Variants in PDE1A observed in about 807,000 individuals in gnomAD.
PDE1A encodes the protein dual specificity calcium/calmodulin-dependent 3',5'-cyclic nucleotide phosphodiesterase 1A.
A neutral mutation model predicts 61.7 loss-of-function variants in PDE1A; 35 were observed. That is an observed-to-expected ratio of 0.57 (90% CI 0.43 to 0.75). The LOEUF is 0.75. Ranked by LOEUF, PDE1A falls within the 30% of genes least tolerant of loss-of-function variation. PDE1A has a pLI of 0.00. For missense variants in PDE1A, 597 were observed against 630.6 expected (o/e 0.95, Z 0.57); for synonymous variants, 232 against 213.2 (o/e 1.09, Z -0.77).
chr2:182,146,339 T>C (rs1452480280), downstream of PDE1A, among the ~76,000 whole-genome samples: 2 of 152,240 alleles, frequency 1.3e-5, no homozygotes, highest in Admixed American at 6.5e-5. Context: ...TGCTTTATAA[T>C]ATGTACTTGC....
At chr2:182,393,618 GT>G (rs779923722) in intron 1 of PDE1A, among the ~76,000 whole-genome samples, 4 of 152,136 alleles carry the variant, frequency 2.6e-5, no homozygotes, top group Non-Finnish European at 5.9e-5. Context: ...TTGTAAACAT[GT>G]TATGATTCCA....
chr2:182,345,085 T>C (rs898824555), intron 1 of PDE1A, among the ~76,000 whole-genome samples: 21 of 152,234 alleles, frequency 1.4e-4, no homozygotes, highest in Non-Finnish European at 1.8e-4. Context: ...AGTCTTTATT[T>C]AGGCTTTATT....
chr2:182,373,912 T>C (rs1700254540), intron 1 of PDE1A, among the ~76,000 whole-genome samples: 1 of 152,092 alleles, frequency 6.6e-6, no homozygotes, highest in Non-Finnish European at 1.5e-5. Flanking sequence ...AGTTGCCAAA[T>C]CATGTGCAAA....
At chr2:182,256,562 C>A (rs13388823) in intron 2 of PDE1A, among the ~76,000 whole-genome samples, 8,508 of 151,840 alleles carry the variant, frequency 0.056, 729 homozygotes, top group African/African-American at 0.19. Context: ...CACATGCACA[C>A]GTATGTTTAT....
intron 1 of PDE1A, among the ~76,000 whole-genome samples, chr2:182,332,347 T>G (rs938768806): frequency 1.3e-5 from 2 of 152,220 alleles, no homozygotes; most frequent in African/African-American, 4.8e-5. Context: ...TGAAGCCTAC[T>G]TCTGTCAATT....
chr2:182,459,049 T>G (rs75566371), intron 2 of PDE1A, among the ~76,000 whole-genome samples: 27,671 of 151,996 alleles, frequency 0.18, 3,018 homozygotes, highest in Middle Eastern at 0.35. Flanking sequence ...TCTGTTGCCA[T>G]AACTCATGAA....
At chr2:182,549,811 G>T in the PDE1A span, among the ~76,000 whole-genome samples, 2 of 152,014 alleles carry the variant, frequency 1.3e-5, no homozygotes, top group African/African-American at 4.8e-5. Flanking sequence ...TATAGACAGG[G>T]TTATTAAATA....
chr2:182,284,718 A>G (rs1166426094), intron 1 of PDE1A, among the ~76,000 whole-genome samples: 1 of 152,068 alleles, frequency 6.6e-6, no homozygotes, highest in Non-Finnish European at 1.5e-5. Context: ...ATCCCCCTAA[A>G]TTTTTAATCT....
At chr2:182,156,734 G>C (rs1691102510) in intron 13 of PDE1A, among the ~76,000 whole-genome samples, 1 of 152,108 alleles carries the variant, frequency 6.6e-6, no homozygotes. Flanking sequence ...AGCAGTAGAA[G>C]ATAATCTAAA....
the PDE1A span, among the ~76,000 whole-genome samples, chr2:182,588,818 C>A: frequency 6.6e-6 from 1 of 151,846 alleles, no homozygotes; most frequent in Admixed American, 6.6e-5. Context: ...CCGAGGCAGG[C>A]GGATCACCCA....
chr2:182,285,386 C>A (rs1215545923), intron 1 of PDE1A, among the ~76,000 whole-genome samples: 2 of 151,976 alleles, frequency 1.3e-5, no homozygotes, highest in Admixed American at 6.6e-5. Flanking sequence ...ATGAACCGAC[C>A]CTTATTTGTA....
At chr2:182,614,232 G>C in the PDE1A span, among the ~76,000 whole-genome samples, 1 of 152,160 alleles carries the variant, frequency 6.6e-6, no homozygotes, top group African/African-American at 2.4e-5. Context: ...AGGCAGAGTG[G>C]TGTGAAAAAT....
the PDE1A span, among the ~76,000 whole-genome samples, chr2:182,648,008 T>A: frequency 6.6e-6 from 1 of 152,130 alleles, no homozygotes; most frequent in African/African-American, 2.4e-5. Context: ...GAAAGCTGAT[T>A]TTCAAATTTG....
the PDE1A span, among the ~76,000 whole-genome samples, chr2:182,698,463 A>C: frequency 5.9e-5 from 9 of 152,336 alleles, no homozygotes; most frequent in African/African-American, 2.2e-4. Context: ...AAATAACTAA[A>C]GAGTGGTTAA....
the PDE1A span, among the ~76,000 whole-genome samples, chr2:182,632,498 G>GTCT: frequency 6.6e-6 from 1 of 151,556 alleles, no homozygotes; most frequent in Non-Finnish European, 1.5e-5. Flanking sequence ...TACTCCTCCA[G>GTCT]TTGCCTTCTC....
At chr2:182,475,725 A>C (rs1156982323) in intron 2 of PDE1A, among the ~76,000 whole-genome samples, 1 of 151,942 alleles carries the variant, frequency 6.6e-6, no homozygotes, top group East Asian at 1.9e-4. Flanking sequence ...AAGTTAATAT[A>C]CAACTTCATT....
chr2:182,181,178 T>C (rs1684728579), intron 13 of PDE1A, among the ~76,000 whole-genome samples: 1 of 152,204 alleles, frequency 6.6e-6, no homozygotes, highest in South Asian at 2.1e-4. Flanking sequence ...TTCTGGCTTT[T>C]GGAATTTTCA....
chr2:182,449,375 G>C (rs1420597233), intron 2 of PDE1A, among the ~76,000 whole-genome samples: 1 of 151,756 alleles, frequency 6.6e-6, no homozygotes, highest in African/African-American at 2.4e-5. Context: ...GGGAGGACGA[G>C]CGGGCAAAAT....
At chr2:182,454,107 A>G (rs1353615926) in intron 2 of PDE1A, among the ~76,000 whole-genome samples, 1 of 152,176 alleles carries the variant, frequency 6.6e-6, no homozygotes, top group Non-Finnish European at 1.5e-5. Flanking sequence ...AATCACAAGC[A>G]TTCTTATACA....
Sources: allele counts gnomAD v4.1 joint callset (sites outside exome capture counted in the v4.1 genomes callset), GRCh38; gene constraint gnomAD v4.1.1; transcripts MANE v1.5; gene names NCBI Gene and HGNC (gene_info 2026-07-23, HGNC 2026-07-21).